ZNF652: variants seen among roughly 807,000 people sequenced by gnomAD.
The protein encoded by ZNF652 is zinc finger protein 652.
A neutral mutation model predicts 45.2 loss-of-function variants in ZNF652; 16 were observed. The ratio of observed to expected loss-of-function variants is 0.35; its 90% confidence interval spans 0.24 to 0.54. ZNF652 has a LOEUF of 0.54. Among genes scored for constraint, ZNF652 ranks in the 20% least tolerant of loss-of-function variants. The probability of loss-of-function intolerance (pLI) is 0.91; values close to 1 mark genes in which losing one functional copy is unlikely to be tolerated. For missense variants in ZNF652, 614 were observed against 765.6 expected, an observed-to-expected ratio of 0.80 and a Z score of 2.34; for synonymous variants, 250 against 260.6, an observed-to-expected ratio of 0.96 and a Z score of 0.39.
chr17:49,307,392 T>C lies in ZNF652; in HGVS notation c.1309+3920A>G, dbSNP rs140726569. Reference sequence around the variant, plus strand: ...GTTGCAGTGAACCGAGATCGGGCCATTGCACTCTGGCCTGGGCAACAGAGT... The same window carrying C: ...GTTGCAGTGAACCGAGATCGGGCCACTGCACTCTGGCCTGGGCAACAGAGT... On this transcript the variant is annotated intron_variant, in intron 5 of 5. Transcript: ENST00000430262. Among the ~76,000 whole-genome samples the C allele has an allele frequency of 7.7e-3, 1,062 of 138,012 alleles. 18 individuals carry two copies. Among genetic ancestry groups the C allele is most frequent in the African/African-American group, 0.026 (924 of 35,870 alleles). 90.5% of individuals were successfully genotyped at this position (138,012 alleles called of 152,430 possible). A position where few individuals can be genotyped will look rare whatever the true frequency, so the allele number is the denominator to read the frequency against.
At chr17:49,350,409 C>T (rs1351086097) in intron 1 of ZNF652, among the ~76,000 whole-genome samples, 2 of 151,476 alleles carry the variant, frequency 1.3e-5, no homozygotes, top group East Asian at 2.0e-4. Context: ...CGTGGTGATG[C>T]GTGCCTGTAA....
chr17:49,315,644 C>T (rs2069792900), intron 2 of ZNF652, among the ~76,000 whole-genome samples: 1 of 151,894 alleles, frequency 6.6e-6, no homozygotes, highest in African/African-American at 2.4e-5. Flanking sequence ...CAAGTTTGAC[C>T]CCTAGAGTGC....
At chr17:49,345,361 C>T (rs1224208254) in intron 1 of ZNF652, among the ~76,000 whole-genome samples, 1 of 151,380 alleles carries the variant, frequency 6.6e-6, no homozygotes, top group East Asian at 2.0e-4. Flanking sequence ...TTCCACTAGG[C>T]CCAGCTAATT....
intron 1 of ZNF652, among the ~76,000 whole-genome samples, chr17:49,325,377 C>A (rs1406225691): frequency 6.6e-6 from 1 of 152,092 alleles, no homozygotes; most frequent in Non-Finnish European, 1.5e-5. Context: ...ATTAAGTTTG[C>A]CATCTTATAT....
rs755920911 is a variant in ZNF652 at position 49,317,396 on chromosome 17, G to A, written c.330C>T (p.Val110=). The change falls in exon 2 of 6, where the codon GTC becomes GTT. Residue 110 remains valine, a synonymous_variant. Transcript: ENST00000430262. ...SDDTEEEEEE[V]SYKREQIIVE... ...CTATGATCTGCTCCCTTTTGTAAGA[G>A]ACTTCTTCCTCTTCCTCCTCTGTGT... 1 of 1,614,002 alleles carries A rather than the reference G, an allele frequency of 6.2e-7. No homozygotes were observed. The highest frequency in any genetic ancestry group is 8.5e-7 in the Non-Finnish European group (1 of 1,180,008).
At chr17:49,342,662 T>C (rs1041863754) in intron 1 of ZNF652, among the ~76,000 whole-genome samples, 13 of 151,654 alleles carry the variant, frequency 8.6e-5, no homozygotes, top group Admixed American at 6.6e-4. Flanking sequence ...GTGTATCATA[T>C]TGACAAACCT....
chr17:49,315,774 C>A (rs148448428), intron 2 of ZNF652, among the ~76,000 whole-genome samples: 2 of 152,220 alleles, frequency 1.3e-5, no homozygotes, highest in African/African-American at 2.4e-5. Context: ...ATTTACCCAG[C>A]GTGTTGGAGA....
In ZNF652 at chr17:49,318,948, A is replaced by G. The variant is rs540359670; in HGVS notation, c.-258-965T>C. ...TTTCAAAGTTGCCAAATATTTTAAC[A>G]TTTGTTCTGTGCATAGCTCACTACA... On this transcript the variant is annotated intron_variant, in intron 1 of 5. Coordinates refer to ENST00000430262, the MANE Select transcript of ZNF652 (RefSeq NM_001145365.3). Among the ~76,000 whole-genome samples the G allele has an allele frequency of 9.2e-5, 14 of 152,322 alleles. No homozygotes were observed. In the South Asian group the frequency reaches 2.9e-3, roughly 32 times the overall value.
chr17:49,335,628 A>AAT (rs1330005438), intron 1 of ZNF652, among the ~76,000 whole-genome samples: 1 of 152,136 alleles, frequency 6.6e-6, no homozygotes, highest in Non-Finnish European at 1.5e-5. Flanking sequence ...TTACTAATCA[A>AAT]ATATATATAT....
chr17:49,353,026 C>T (rs968257596), intron 1 of ZNF652, among the ~76,000 whole-genome samples: 1 of 152,040 alleles, frequency 6.6e-6, no homozygotes, highest in East Asian at 1.9e-4. Flanking sequence ...GGAACTGTTC[C>T]GTGTCCTGGC....
chr17:49,344,726 G>A (rs2070186872), intron 1 of ZNF652, among the ~76,000 whole-genome samples: 1 of 152,004 alleles, frequency 6.6e-6, no homozygotes, highest in Non-Finnish European at 1.5e-5. Flanking sequence ...TCACTGTGTT[G>A]CCCAGGCTGG....
At chr17:49,360,474 T>C (rs765372186) in intron 1 of ZNF652, among the ~76,000 whole-genome samples, 2 of 152,168 alleles carry the variant, frequency 1.3e-5, no homozygotes, top group Admixed American at 6.5e-5. Flanking sequence ...CACTAAAACT[T>C]AGTGAACAGT....
chr17:49,320,536 T>C (rs918478794), intron 1 of ZNF652, among the ~76,000 whole-genome samples: 69 of 152,234 alleles, frequency 4.5e-4, no homozygotes, highest in African/African-American at 1.6e-3. Context: ...CTTGAAATAA[T>C]TTAAACTCAA....
rs1244447695 is a variant in ZNF652 at position 49,293,863 on chromosome 17, C to A, written c.*4550G>T. 2.6e-5 allele frequency among the ~76,000 whole-genome samples: 4 copies of A among 151,994 alleles called. No individual in the cohort carries two copies. Among genetic ancestry groups the A allele is most frequent in the Non-Finnish European group, 4.4e-5 (3 of 67,980 alleles). Reference sequence around the variant, plus strand: ...TTTCATTAAGTACTTCTCATACAGTCTAGAACAGCATTGAAATATTTATCA... The same window carrying A: ...TTTCATTAAGTACTTCTCATACAGTATAGAACAGCATTGAAATATTTATCA... On this transcript the variant is annotated 3_prime_UTR_variant, in exon 6 of 6. Coordinates refer to ENST00000430262, the MANE Select transcript of ZNF652 (RefSeq NM_001145365.3).
At position 49,309,436 on chromosome 17, in the gene ZNF652, G is replaced by A. The variant is rs1388959571; in HGVS notation, c.1309+1876C>T. ...GGCAGGAGAATCACTTGAACCCCGG[G>A]AGGTGGAGGCTGCAGTGAGCCAAGA... On this transcript the variant is annotated intron_variant, in intron 5 of 5. Coordinates refer to ENST00000430262, the MANE Select transcript of ZNF652 (RefSeq NM_001145365.3). 2.0e-5 allele frequency among the ~76,000 whole-genome samples: 3 copies of A among 150,790 alleles called. No individual in the cohort carries two copies. The South Asian group carries it at 6.3e-4, about 32-fold the overall frequency.
chr17:49,314,903 T>G (rs2069777165), intron 2 of ZNF652, among the ~76,000 whole-genome samples: 1 of 152,134 alleles, frequency 6.6e-6, no homozygotes, highest in African/African-American at 2.4e-5. Context: ...ACAGTCTCAC[T>G]CTGTTGCTCA....
At chr17:49,352,413 A>G (rs1202303096) in intron 1 of ZNF652, among the ~76,000 whole-genome samples, 1 of 152,222 alleles carries the variant, frequency 6.6e-6, no homozygotes, top group East Asian at 1.9e-4. Context: ...CCTCTAAGTC[A>G]GCAGCTAGCT....
At chr17:49,356,112 A>G (rs1477366360) in intron 1 of ZNF652, among the ~76,000 whole-genome samples, 1 of 151,554 alleles carries the variant, frequency 6.6e-6, no homozygotes, top group African/African-American at 2.4e-5. Context: ...CCCACCAAAT[A>G]CTTCGTTATT....
In ZNF652 at chr17:49,351,032, C is replaced by CTGT. The variant is rs1567700375; in HGVS notation, c.-259+10876_-259+10877insACA. On this transcript the variant is annotated intron_variant, in intron 1 of 5. Transcript: ENST00000430262. ...ATATATATACACACACACACACACA[C>CTGT]ACACACACACACACACACACACATA... 2.3e-3 allele frequency among the ~76,000 whole-genome samples: 275 copies of CTGT among 117,726 alleles called. 1 individual carries two copies. Among genetic ancestry groups the CTGT allele is most frequent in the Middle Eastern group, 4.3e-3 (1 of 232 alleles). The allele number at this position is 117,726 out of a possible 152,430, so 77.2% of individuals were successfully genotyped here.
Sources: allele counts gnomAD v4.1 joint callset (sites outside exome capture counted in the v4.1 genomes callset), GRCh38; gene constraint gnomAD v4.1.1; transcripts MANE v1.5; gene names NCBI Gene and HGNC (gene_info 2026-07-23, HGNC 2026-07-21).